The following ZNF519 variants were observed in gnomAD, a reference collection of about 807,000 sequenced individuals.
ZNF519 encodes the protein similar to Zinc finger protein 85 (Zinc finger protein HPF4) (HTF1).
ZNF519 carries 7 observed loss-of-function variants against 7.4 expected under a neutral mutation model. The ratio of observed to expected loss-of-function variants is 0.94; its 90% CI spans 0.54 to 1.77. The LOEUF (loss-of-function observed/expected upper bound fraction) is 1.77. Among genes scored for constraint, ZNF519 ranks in the 40% most tolerant of loss-of-function variants. The pLI, the probability that ZNF519 is intolerant of heterozygous loss-of-function variation, is 0.00. For missense variants in ZNF519, 586 were observed against 623.1 expected (o/e 0.94, Z 0.63); for synonymous variants, 179 against 203.3 (o/e 0.88, Z 1.02).
chr18:14,080,315 G>GTTTTTTTTTTTTTTTT (rs55805123), intron 3 of ZNF519: 2 of 101,256 alleles, frequency 2.0e-5, no homozygotes, highest in Non-Finnish European at 1.8e-5. Flanking sequence ...CAATTTGACA[G>GTTTTTTTTTTTTTTTT]TTTTTTTTTT....
intron 1 of ZNF519, among the ~76,000 whole-genome samples, chr18:14,125,839 C>T (rs957180304): frequency 2.0e-5 from 3 of 152,062 alleles, no homozygotes; most frequent in Non-Finnish European, 4.4e-5. Flanking sequence ...TGCCCACCAC[C>T]GCACCCAGCT....
chr18:14,080,558 G>C (rs9960957), intron 3 of ZNF519, among the ~76,000 whole-genome samples: 3,353 of 152,136 alleles, frequency 0.022, 124 homozygotes, highest in African/African-American at 0.074. Flanking sequence ...TTGACCTCAT[G>C]ATGCGCCCGC....
chr18:14,076,099 T>C (rs1412019182), exon 5 of ZNF519: 3 of 152,148 alleles, frequency 2.0e-5, no homozygotes, highest in Non-Finnish European at 4.4e-5. Context: ...CCTCCTTCCT[T>C]GTAAGAGGCA....
chr18:14,089,312 G>A lies in ZNF519; in HGVS notation c.131-4236C>T, dbSNP rs200552215. Among the ~76,000 whole-genome samples, 14 of 152,224 alleles carry A rather than the reference G, an allele frequency of 9.2e-5. No homozygotes were observed. The East Asian group carries it at 1.4e-3, about 15-fold the overall frequency. On this transcript the variant is annotated intron_variant and NMD_transcript_variant, in intron 2 of 4. Coordinates refer to the ZNF519 transcript ENST00000587419. ...TCACCAAATTAAAGGATAAATATGC[G>A]AAGAAAACAAATTCTTTATTGCATT... is the stretch of plus-strand genomic sequence containing the variant.
At chr18:14,092,590 A>G (rs1158693990) in intron 2 of ZNF519, among the ~76,000 whole-genome samples, 1 of 152,136 alleles carries the variant, frequency 6.6e-6, no homozygotes, top group East Asian at 1.9e-4. Context: ...AGTCTCAACA[A>G]TATCACAGAA....
intron 2 of ZNF519, among the ~76,000 whole-genome samples, chr18:14,114,530 C>T (rs927105002): frequency 2.6e-5 from 4 of 152,126 alleles, no homozygotes; most frequent in Non-Finnish European, 5.9e-5. Context: ...TCTGTAGTAT[C>T]ATTTACAGTC....
downstream of ZNF519, chr18:14,071,972 T>C (rs997290294): frequency 6.6e-6 from 1 of 152,218 alleles, no homozygotes. Context: ...TAATGTGGTT[T>C]TGTTGACCAC....
At chr18:14,099,744 G>A (rs2046151551), downstream of ZNF519, among the ~76,000 whole-genome samples, 1 of 152,140 alleles carries the variant, frequency 6.6e-6, no homozygotes. Context: ...GAGCCACCTT[G>A]TGTGCAAAAA....
intron 4 of ZNF519, chr18:14,077,528 T>G (rs1373661901): frequency 2.0e-5 from 3 of 152,236 alleles, no homozygotes; most frequent in African/African-American, 7.2e-5. Context: ...TCATTTCACC[T>G]GTAGCAACAA....
downstream of ZNF519, chr18:14,071,323 C>G (rs755867918): frequency 1.3e-5 from 2 of 152,016 alleles, no homozygotes; most frequent in Non-Finnish European, 2.9e-5. Context: ...CAATTAATTA[C>G]AGAGGGTTGT....
chr18:14,106,205 T>G lies in ZNF519; in HGVS notation c.335A>C (p.His112Pro). The G allele has an allele frequency of 6.2e-7, 1 of 1,613,216 alleles. No individual in the cohort carries two copies. Among genetic ancestry groups the G allele is most frequent in the African/African-American group, 1.3e-5 (1 of 74,904 alleles). The change falls in exon 3 of 3, where the codon CAT becomes CCT. Residue 112 changes from histidine to proline, a missense_variant. Coordinates refer to ENST00000590202, the MANE Select transcript of ZNF519 (RefSeq NM_145287.4). Reference protein sequence around the residue: ...SQYLTTSHNKHLTVKGDKEYR... With the variant: ...SQYLTTSHNKPLTVKGDKEYR... ...TTCTTTGTCTCCTTTCACAGTTAAATGTTTGTTATGACTAGTTGTCAAATA... is the reference window on the plus strand; with the variant it reads ...TTCTTTGTCTCCTTTCACAGTTAAAGGTTTGTTATGACTAGTTGTCAAATA...
chr18:14,079,596 T>A (rs995607571), intron 3 of ZNF519, among the ~76,000 whole-genome samples: 5 of 152,144 alleles, frequency 3.3e-5, no homozygotes, highest in Admixed American at 2.6e-4. Context: ...AACCTAGAAA[T>A]AGGCCAACAT....
At chr18:14,090,854 A>C (rs561548095) in intron 2 of ZNF519, 12 of 152,370 alleles carry the variant, frequency 7.9e-5, no homozygotes, top group African/African-American at 2.6e-4. Flanking sequence ...TTGAGACACT[A>C]ATCTCTTCCT....
At chr18:14,129,110 G>A (rs1409238717) in intron 1 of ZNF519, among the ~76,000 whole-genome samples, 1 of 152,152 alleles carries the variant, frequency 6.6e-6, no homozygotes, top group African/African-American at 2.4e-5. Context: ...TACAGATACA[G>A]GCTCAGGCAG....
At chr18:14,124,614 C>T in intron 1 of ZNF519, 138 bp from the exon 2 acceptor site, 1 of 1,062,292 alleles carries the variant, frequency 9.4e-7, no homozygotes, top group South Asian at 1.6e-5. Flanking sequence ...TTCTCTAAAG[C>T]ATTCTATAAC....
At chr18:14,131,282 A>C (rs1308498759) in intron 1 of ZNF519, among the ~76,000 whole-genome samples, 1 of 152,252 alleles carries the variant, frequency 6.6e-6, no homozygotes, top group Admixed American at 6.5e-5. Context: ...GTAGAAAATA[A>C]GTATTTTACA....
chr18:14,122,987 T>G (rs1598522374), intron 2 of ZNF519: 1 of 140,154 alleles, frequency 7.1e-6, no homozygotes, highest in African/African-American at 2.7e-5. Context: ...TGTCCATGTG[T>G]TCTCATTGTT....
intron 2 of ZNF519, among the ~76,000 whole-genome samples, chr18:14,111,623 G>T (rs550255340): frequency 6.6e-6 from 1 of 151,938 alleles, no homozygotes; most frequent in Non-Finnish European, 1.5e-5. Context: ...TATACTGCAG[G>T]AATTCAAGAT....
intron 3 of ZNF519, chr18:14,082,217 A>T (rs114017301): frequency 6.6e-6 from 1 of 152,168 alleles, no homozygotes; most frequent in Non-Finnish European, 1.5e-5. Context: ...AAAGATTAAA[A>T]ATCAGAAATA....
Sources: gnomAD v4.1 joint callset for allele counts (sites outside exome capture counted in the v4.1 genomes callset) on GRCh38, gnomAD v4.1.1 for gene constraint, MANE v1.5 for transcripts, NCBI Gene and HGNC (gene_info 2026-07-23, HGNC 2026-07-21) for gene names.